The following DNER variants were observed in gnomAD, a reference collection of about 807,000 sequenced individuals.
DNER encodes the protein delta/notch like EGF repeat containing.
A neutral mutation model predicts 78.2 loss-of-function variants in DNER; 33 were observed. The ratio of observed to expected loss-of-function variants is 0.42; its 90% confidence interval spans 0.32 to 0.56. DNER has a LOEUF of 0.56. DNER is among the 20% of genes least tolerant of loss of function. The probability of loss-of-function intolerance (pLI) is 0.11; values close to 1 mark genes in which losing one functional copy is unlikely to be tolerated. For synonymous variants in DNER, 417 were observed against 384.8 expected, an observed-to-expected ratio of 1.08 and a Z score of -0.98; for missense variants, 918 against 975.3, an observed-to-expected ratio of 0.94 and a Z score of 0.78.
chr2:229,540,575 T>C (rs1337539903), intron 5 of DNER, among the ~76,000 whole-genome samples: 1 of 152,146 alleles, frequency 6.6e-6, no homozygotes, highest in Non-Finnish European at 1.5e-5. Flanking sequence ...TATCAAGCAA[T>C]GGACAAAGTA....
chr2:229,572,687 T>C (rs1295932832), intron 4 of DNER, among the ~76,000 whole-genome samples: 1 of 152,096 alleles, frequency 6.6e-6, no homozygotes, highest in Non-Finnish European at 1.5e-5. Context: ...AGAAAGCAGG[T>C]GCCAAACACA....
intron 1 of DNER, among the ~76,000 whole-genome samples, chr2:229,688,841 CA>C (rs1190748557): frequency 3.9e-5 from 6 of 152,136 alleles, no homozygotes; most frequent in African/African-American, 9.7e-5. Context: ...ATGTCATTTA[CA>C]GGGACATGGA....
chr2:229,627,063 A>G (rs923617488), intron 1 of DNER, among the ~76,000 whole-genome samples: 8 of 152,226 alleles, frequency 5.3e-5, no homozygotes, highest in East Asian at 3.8e-4. Context: ...CATGGTCCCA[A>G]TGAATTTATC....
chr2:229,410,037 C>T (rs1009656117), intron 9 of DNER, among the ~76,000 whole-genome samples: 6 of 152,234 alleles, frequency 3.9e-5, no homozygotes, highest in African/African-American at 7.2e-5. Context: ...CTGCCCTCCT[C>T]ACCACTCCCA....
chr2:229,630,630 T>C (rs1698418795), intron 1 of DNER, among the ~76,000 whole-genome samples: 1 of 152,194 alleles, frequency 6.6e-6, no homozygotes, highest in African/African-American at 2.4e-5. Flanking sequence ...CATCTCATTT[T>C]CTTTTTTAAA....
chr2:229,586,629 C>T (rs1697508022), intron 3 of DNER: 4 of 984,684 alleles, frequency 4.1e-6, no homozygotes, highest in Non-Finnish European at 3.6e-6. Flanking sequence ...TGCCCTCCTG[C>T]GCTTTTCTCC....
intron 1 of DNER, among the ~76,000 whole-genome samples, chr2:229,634,321 A>T (rs960672335): frequency 6.6e-6 from 1 of 151,676 alleles, no homozygotes; most frequent in African/African-American, 2.4e-5. Context: ...CTGAAATATT[A>T]TCTCATTCTG....
chr2:229,672,783 CA>C (rs1446940924), intron 1 of DNER, among the ~76,000 whole-genome samples: 1 of 152,156 alleles, frequency 6.6e-6, no homozygotes, highest in East Asian at 1.9e-4. Context: ...ACAGTAGTCA[CA>C]AGTCTGCCTG....
intron 1 of DNER, among the ~76,000 whole-genome samples, chr2:229,664,139 G>A (rs1304789289): frequency 6.6e-6 from 1 of 152,110 alleles, no homozygotes; most frequent in East Asian, 1.9e-4. Flanking sequence ...TTGTATATTT[G>A]TATATTTGCC....
intron 9 of DNER, among the ~76,000 whole-genome samples, chr2:229,407,763 G>A (rs1307133363): frequency 6.6e-6 from 1 of 152,196 alleles, no homozygotes; most frequent in Non-Finnish European, 1.5e-5. Flanking sequence ...ATATTTAAGT[G>A]AGTCCCAGTT....
intron 4 of DNER, among the ~76,000 whole-genome samples, chr2:229,549,436 G>A (rs1236974079): frequency 1.3e-5 from 2 of 152,156 alleles, no homozygotes; most frequent in African/African-American, 4.8e-5. Flanking sequence ...CTGCCAAGTA[G>A]CTGAGATTAC....
At chr2:229,469,422 C>T (rs771355442) in intron 7 of DNER, among the ~76,000 whole-genome samples, 1 of 152,176 alleles carries the variant, frequency 6.6e-6, no homozygotes, top group Non-Finnish European at 1.5e-5. Flanking sequence ...TTATTCTCTG[C>T]GAGGTACTGG....
intron 5 of DNER, among the ~76,000 whole-genome samples, chr2:229,527,418 T>C (rs1257198701): frequency 6.6e-6 from 1 of 152,214 alleles, no homozygotes; most frequent in Non-Finnish European, 1.5e-5. Flanking sequence ...AACCCCCAAC[T>C]AAGCTGAGTT....
chr2:229,665,721 G>A (rs755922809), intron 1 of DNER, among the ~76,000 whole-genome samples: 2 of 152,106 alleles, frequency 1.3e-5, no homozygotes, highest in Non-Finnish European at 2.9e-5. Context: ...CTAAAATGGG[G>A]CCTAATATAG....
At chr2:229,539,505 G>A (rs1476316418) in intron 5 of DNER, among the ~76,000 whole-genome samples, 1 of 152,184 alleles carries the variant, frequency 6.6e-6, no homozygotes, top group Non-Finnish European at 1.5e-5. Flanking sequence ...TTAGATCAGA[G>A]AATATTTTCT....
chr2:229,700,134 T>C (rs1412207411), intron 1 of DNER, among the ~76,000 whole-genome samples: 1 of 152,090 alleles, frequency 6.6e-6, no homozygotes, highest in Non-Finnish European at 1.5e-5. Context: ...TTAAATATCA[T>C]GTTTTACCTA....
At chr2:229,660,714 C>A (rs2154216549) in intron 1 of DNER, among the ~76,000 whole-genome samples, 1 of 152,270 alleles carries the variant, frequency 6.6e-6, no homozygotes, top group Non-Finnish European at 1.5e-5. Context: ...TGAAGCTATA[C>A]CCTGGTATCA....
At chr2:229,416,572 G>A (rs1054007677) in intron 9 of DNER, among the ~76,000 whole-genome samples, 21 of 152,136 alleles carry the variant, frequency 1.4e-4, no homozygotes, top group Admixed American at 1.3e-4. Context: ...ACAGCAGCCC[G>A]TAGCCATGAG....
intron 1 of DNER, among the ~76,000 whole-genome samples, chr2:229,688,277 C>T (rs1172078307): frequency 6.6e-6 from 1 of 152,198 alleles, no homozygotes. Flanking sequence ...TCCTGCCTAT[C>T]CCAGACTTCT....
Sources: allele counts gnomAD v4.1 joint callset (sites outside exome capture counted in the v4.1 genomes callset), GRCh38; gene constraint gnomAD v4.1.1; transcripts MANE v1.5; gene names NCBI Gene and HGNC (gene_info 2026-07-23, HGNC 2026-07-21).